NTRK2: variants seen among roughly 807,000 people sequenced by gnomAD.
NTRK2 encodes the protein neurotrophic receptor tyrosine kinase 2, also known as BDNF/NT-3 growth factors receptor.
In NTRK2, 13 loss-of-function variants were observed where a neutral mutation model predicts 94.5. That is an observed-to-expected ratio of 0.14 (90% CI 0.09 to 0.22). The LOEUF is 0.22. NTRK2 is among the 10% of genes least tolerant of loss of function. The probability of loss-of-function intolerance (pLI) is 1.00; values close to 1 mark genes in which losing one functional copy is unlikely to be tolerated. For synonymous variants in NTRK2, 372 were observed against 407.4 expected, an observed-to-expected ratio of 0.91 and a Z score of 1.05; for missense variants, 639 against 1,071.2, an observed-to-expected ratio of 0.60 and a Z score of 5.63.
rs1026358025 is a variant in NTRK2 at position 85,022,529 on chromosome 9, C to T, written c.*1092C>T. 1.7e-5 allele frequency: 4 copies of T among 233,050 alleles called. No homozygotes were observed. Among genetic ancestry groups the T allele is most frequent in the Middle Eastern group, 1.2e-3 (1 of 808 alleles). 14.4% of individuals were successfully genotyped at this position (233,050 alleles called of 1,614,324 possible). A position where few individuals can be genotyped will look rare whatever the true frequency, so the allele number is the denominator to read the frequency against. ...GAAAAGATAAGACAAGCTATAAATTCGGAGGCAAGTTTCTTTTACAATGAA... is the reference window on the plus strand; with the variant it reads ...GAAAAGATAAGACAAGCTATAAATTTGGAGGCAAGTTTCTTTTACAATGAA... On this transcript the variant is annotated 3_prime_UTR_variant, in exon 19 of 19. Coordinates refer to ENST00000277120, the MANE Select transcript of NTRK2 (RefSeq NM_006180.6).
chr9:84,741,118 T>C (rs1424114007), intron 9 of NTRK2, among the ~76,000 whole-genome samples: 3 of 149,066 alleles, frequency 2.0e-5, no homozygotes, highest in Non-Finnish European at 4.4e-5. Flanking sequence ...GCAAATGTTT[T>C]TGTTACCAGT....
intron 5 of NTRK2, among the ~76,000 whole-genome samples, chr9:84,710,396 C>T (rs1024557904): frequency 6.6e-6 from 1 of 152,158 alleles, no homozygotes; most frequent in Non-Finnish European, 1.5e-5. Context: ...CTGTCTCTAT[C>T]TTGTTTCCCC....
chr9:84,805,324 A>G (rs936937260), intron 12 of NTRK2, among the ~76,000 whole-genome samples: 1 of 152,206 alleles, frequency 6.6e-6, no homozygotes, highest in African/African-American at 2.4e-5. Context: ...CAGCTAATAA[A>G]TGGACCACGT....
chr9:85,001,825 C>T (rs1335208012), intron 17 of NTRK2, among the ~76,000 whole-genome samples: 1 of 152,214 alleles, frequency 6.6e-6, no homozygotes, highest in Non-Finnish European at 1.5e-5. Context: ...TGACACAGAG[C>T]CTTCTCTAGA....
At chr9:84,926,169 C>CTTGCTTT (rs2077789303) in intron 14 of NTRK2, among the ~76,000 whole-genome samples, 16 of 38,566 alleles carry the variant, frequency 4.1e-4, no homozygotes, top group African/African-American at 1.5e-3. Flanking sequence ...TTCCTTCCTT[C>CTTGCTTT]CTTTCTTTCT....
intron 17 of NTRK2, among the ~76,000 whole-genome samples, chr9:84,955,838 C>A (rs182448088): frequency 1.3e-5 from 2 of 152,300 alleles, no homozygotes; most frequent in Admixed American, 1.3e-4. Flanking sequence ...TTGCATCCCA[C>A]CCTAATGGTC....
At chr9:84,903,620 T>G (rs558779505) in intron 14 of NTRK2, among the ~76,000 whole-genome samples, 1 of 152,308 alleles carries the variant, frequency 6.6e-6, no homozygotes, top group East Asian at 1.9e-4. Flanking sequence ...AAATCTTTCC[T>G]TCTTTCTTCT....
intron 17 of NTRK2, among the ~76,000 whole-genome samples, chr9:85,002,987 G>C (rs7036357): frequency 0.73 from 111,096 of 152,084 alleles, 41,233 homozygotes; most frequent in African/African-American, 0.82. Flanking sequence ...AACAGTTGGG[G>C]GACGGAGCTG....
chr9:84,860,136 G>A (rs897081988), intron 12 of NTRK2, among the ~76,000 whole-genome samples: 1 of 152,158 alleles, frequency 6.6e-6, no homozygotes, highest in Non-Finnish European at 1.5e-5. Context: ...CAAAATGTCT[G>A]TAAAAATTAT....
chr9:84,783,139 T>G (rs1321183047), intron 12 of NTRK2, among the ~76,000 whole-genome samples: 1 of 152,140 alleles, frequency 6.6e-6, no homozygotes, highest in African/African-American at 2.4e-5. Flanking sequence ...CAACAAATGC[T>G]CTTAATGACA....
intron 12 of NTRK2, chr9:84,812,653 T>A (rs201271732): frequency 3.7e-5 from 39 of 1,045,736 alleles, no homozygotes; most frequent in Non-Finnish European, 4.5e-5. Flanking sequence ...TTCTTGAGAA[T>A]CAGCCATTTG....
rs760524357 is a variant in NTRK2, at chr9:84,955,264, T to TC, written c.1938-18dup. 2 of 1,578,502 alleles carry TC rather than the reference T, an allele frequency of 1.3e-6. No homozygotes were observed. The highest frequency in any genetic ancestry group is 1.7e-6 in the Non-Finnish European group (2 of 1,161,186). ...AAAATGCTGAGGCCCCCAGCTTCAT[T>TC]CTCCATGTCCTTCCCCAGGGCACAC... On this transcript the variant is annotated intron_variant, in intron 16 of 18. Transcript: ENST00000277120.
At chr9:84,898,782 A>C (rs2132372766) in intron 14 of NTRK2, among the ~76,000 whole-genome samples, 1 of 151,782 alleles carries the variant, frequency 6.6e-6, no homozygotes, top group South Asian at 2.1e-4. Flanking sequence ...GGCTCACTGC[A>C]ATCTCTGCCT....
chr9:84,714,152 T>C (rs1432532259), intron 6 of NTRK2, among the ~76,000 whole-genome samples: 2 of 152,202 alleles, frequency 1.3e-5, no homozygotes, highest in African/African-American at 4.8e-5. Flanking sequence ...TTTTCAGCTG[T>C]TTCTCCAGCT....
rs138730080 is a variant in NTRK2 at position 84,800,854 on chromosome 9, T to A, written c.1396+48769T>A. On this transcript the variant is annotated intron_variant, in intron 12 of 18. Transcript: ENST00000277120. ...AGGAACCTAAAGACTTCTTTCAGTT[T>A]GGGCCACCCTTTTCCAGGAGGAAAT... is the stretch of plus-strand genomic sequence containing the variant. 2.0e-3 allele frequency among the ~76,000 whole-genome samples: 299 copies of A among 152,300 alleles called. 4 individuals carry two copies. In the East Asian group the frequency reaches 0.039, roughly 20 times the overall value.
chr9:84,909,675 A>G (rs1461162396), intron 14 of NTRK2, among the ~76,000 whole-genome samples: 1 of 151,884 alleles, frequency 6.6e-6, no homozygotes, highest in Admixed American at 6.6e-5. Flanking sequence ...CATTTCCCTC[A>G]TCTAATTATT....
At chr9:84,956,698 G>A (rs1380342388) in intron 17 of NTRK2, among the ~76,000 whole-genome samples, 1 of 152,180 alleles carries the variant, frequency 6.6e-6, no homozygotes, top group African/African-American at 2.4e-5. Flanking sequence ...TTTTGAGGAG[G>A]CACCTTCTCA....
At chr9:84,800,780 C>T (rs1187284) in intron 12 of NTRK2, among the ~76,000 whole-genome samples, 104,111 of 152,004 alleles carry the variant, frequency 0.68, 36,589 homozygotes, top group Non-Finnish European at 0.75. Flanking sequence ...CAAGAGGGCA[C>T]GAGCCCACCC....
intron 12 of NTRK2, among the ~76,000 whole-genome samples, chr9:84,800,233 C>T (rs1348142682): frequency 3.3e-5 from 5 of 150,730 alleles, no homozygotes; most frequent in South Asian, 2.1e-4. Flanking sequence ...GATGGAGTCT[C>T]GCTCTGTCGC....
Sources: allele counts gnomAD v4.1 joint callset (sites outside exome capture counted in the v4.1 genomes callset), GRCh38; gene constraint gnomAD v4.1.1; transcripts MANE v1.5; gene names NCBI Gene and HGNC (gene_info 2026-07-23, HGNC 2026-07-21).